Variants in FER1L6 observed in about 807,000 individuals in gnomAD.
FER1L6 encodes the protein fer-1 like family member 6, also known as fer-1-like protein 6.
Under a neutral mutation model 219.2 loss-of-function variants are expected in FER1L6, and 177 were observed. That is an observed-to-expected ratio of 0.81 (90% confidence interval 0.71 to 0.91). The LOEUF (loss-of-function observed/expected upper bound fraction) is 0.91, where lower values mean the gene tolerates loss of function less well. Among genes scored for constraint, FER1L6 ranks in the 40% least tolerant of loss-of-function variants. The pLI, the probability that FER1L6 is intolerant of heterozygous loss-of-function variation, is 0.00. For synonymous variants in FER1L6, 768 were observed against 824.3 expected (o/e 0.93, Z 1.17); for missense variants, 2,153 against 2,259.9 (o/e 0.95, Z 0.96).
intron 39 of FER1L6, among the ~76,000 whole-genome samples, chr8:124,114,989 G>T (rs117948957): frequency 6.8e-6 from 1 of 147,124 alleles, no homozygotes; most frequent in Admixed American, 6.9e-5. Flanking sequence ...ATATGAGAAT[G>T]CCTCATGTAA....
At chr8:124,030,158 C>A (rs1262413734) in intron 18 of FER1L6, among the ~76,000 whole-genome samples, 1 of 152,024 alleles carries the variant, frequency 6.6e-6, no homozygotes, top group Non-Finnish European at 1.5e-5. Flanking sequence ...TGTGAAACAT[C>A]TTTAACTTTT....
intron 1 of FER1L6, among the ~76,000 whole-genome samples, chr8:123,872,211 C>A (rs574529967): frequency 6.6e-6 from 1 of 152,128 alleles, no homozygotes; most frequent in Non-Finnish European, 1.5e-5. Flanking sequence ...GTGAGAGATC[C>A]GCCCCATAAT....
chr8:123,898,436 C>T (rs1812786214), intron 1 of FER1L6, among the ~76,000 whole-genome samples: 1 of 151,762 alleles, frequency 6.6e-6, no homozygotes. Flanking sequence ...CCCTTGCCCC[C>T]TCCTACTCTT....
chr8:123,956,579 AAG>A (rs1189824661), intron 2 of FER1L6, among the ~76,000 whole-genome samples: 1 of 152,170 alleles, frequency 6.6e-6, no homozygotes, highest in East Asian at 1.9e-4. Context: ...TACAGAGATA[AAG>A]AGAGAGTAAA....
intron 34 of FER1L6, among the ~76,000 whole-genome samples, chr8:124,092,934 C>T (rs1420944481): frequency 6.6e-6 from 1 of 151,282 alleles, no homozygotes; most frequent in African/African-American, 2.4e-5. Flanking sequence ...AGGCTCACTG[C>T]AACCTCCACC....
intron 1 of FER1L6, among the ~76,000 whole-genome samples, chr8:123,913,525 C>T (rs946752782): frequency 2.0e-5 from 3 of 152,112 alleles, no homozygotes; most frequent in African/African-American, 7.2e-5. Flanking sequence ...CAGGTCACCT[C>T]TACTGTTTAT....
chr8:123,909,100 A>G (rs978464664), intron 1 of FER1L6, among the ~76,000 whole-genome samples: 1 of 152,206 alleles, frequency 6.6e-6, no homozygotes, highest in Non-Finnish European at 1.5e-5. Flanking sequence ...AGATCTTCAT[A>G]AACATTGTCA....
chr8:123,906,820 A>AT (rs1261763253), intron 1 of FER1L6, among the ~76,000 whole-genome samples: 1 of 151,994 alleles, frequency 6.6e-6, no homozygotes, highest in Non-Finnish European at 1.5e-5. Flanking sequence ...AAAAAAAAAA[A>AT]AAAAGATTGC....
intron 1 of FER1L6, among the ~76,000 whole-genome samples, chr8:123,912,955 CG>C (rs1339573620): frequency 6.6e-6 from 1 of 152,042 alleles, no homozygotes; most frequent in Non-Finnish European, 1.5e-5. Context: ...GTCAGATCAC[CG>C]GGTGTTAGAC....
chr8:124,118,874 A>G lies in FER1L6; in HGVS notation c.5320A>G (p.Thr1774Ala). The change falls in exon 40 of 41, where the codon ACA becomes GCA. Residue 1774 changes from threonine (T) to alanine (A), a missense_variant. Physicochemically the swap from Thr to Ala is moderately conservative, Grantham distance 58. Transcript: ENST00000522917. ...GGTTGAAGCTGAGTTCCACCTAGTTACAGCAGAAGAAGCTGAGAAAAATCC... is the reference window on the plus strand; with the variant it reads ...GGTTGAAGCTGAGTTCCACCTAGTTGCAGCAGAAGAAGCTGAGAAAAATCC... ...GKVEAEFHLV[T>A]AEEAEKNPVG... The G allele has an allele frequency of 1.9e-6, 3 of 1,614,042 alleles. No homozygotes were observed. Among genetic ancestry groups the G allele is most frequent in the Non-Finnish European group, 2.5e-6 (3 of 1,179,966 alleles).
chr8:123,951,506 GA>G, intron 1 of FER1L6, among the ~76,000 whole-genome samples: 1 of 152,224 alleles, frequency 6.6e-6, no homozygotes, highest in South Asian at 2.1e-4. Context: ...TGCCGTTAAT[GA>G]ATATATCCCA....
intron 18 of FER1L6, among the ~76,000 whole-genome samples, chr8:124,033,623 C>T (rs1156319688): frequency 6.6e-6 from 1 of 152,192 alleles, no homozygotes; most frequent in Non-Finnish European, 1.5e-5. Flanking sequence ...CTTATGCTTA[C>T]TGGTTGTGAC....
At chr8:123,879,523 C>T (rs1480392155) in intron 1 of FER1L6, among the ~76,000 whole-genome samples, 1 of 152,060 alleles carries the variant, frequency 6.6e-6, no homozygotes, top group Non-Finnish European at 1.5e-5. Flanking sequence ...GACGGGGTTT[C>T]ACCATGTTAG....
chr8:124,023,068 A>C (rs1482082265), intron 17 of FER1L6, among the ~76,000 whole-genome samples: 1 of 152,160 alleles, frequency 6.6e-6, no homozygotes, highest in East Asian at 1.9e-4. Flanking sequence ...GGCAAGTGTC[A>C]CTACGCCCAG....
intron 1 of FER1L6, among the ~76,000 whole-genome samples, chr8:123,910,623 A>G (rs1269938386): frequency 2.0e-5 from 3 of 152,100 alleles, no homozygotes; most frequent in Admixed American, 6.5e-5. Context: ...CATTGCCTCT[A>G]TTCACCTGAA....
intron 1 of FER1L6, among the ~76,000 whole-genome samples, chr8:123,893,561 C>T (rs1376840025): frequency 6.6e-6 from 1 of 152,132 alleles, no homozygotes; most frequent in Non-Finnish European, 1.5e-5. Flanking sequence ...CTTAATTTCT[C>T]CAGAATTTGT....
At position 124,015,605 on chromosome 8, in the gene FER1L6, A is replaced by ATG. The variant is rs200580607; in HGVS notation, c.1923-2022_1923-2021insGT. ...TATATATATATATATATATATATAT[A>ATG]TATATATATATTACTCCTGCTGTGA... is the stretch of plus-strand genomic sequence containing the variant. On this transcript the variant is annotated intron_variant, in intron 15 of 40. Coordinates refer to ENST00000522917, the MANE Select transcript of FER1L6 (RefSeq NM_001039112.2). Among the ~76,000 whole-genome samples, 92 of 116,644 alleles carry ATG rather than the reference A, an allele frequency of 7.9e-4. 6 individuals carry two copies. Among genetic ancestry groups the ATG allele is most frequent in the African/African-American group, 3.0e-3 (84 of 28,006 alleles). 76.5% of individuals were successfully genotyped at this position (116,644 alleles called of 152,430 possible).
intron 1 of FER1L6, among the ~76,000 whole-genome samples, chr8:123,899,082 C>T (rs1812814468): frequency 6.6e-6 from 1 of 152,078 alleles, no homozygotes; most frequent in Non-Finnish European, 1.5e-5. Flanking sequence ...AATCTCCACA[C>T]TGTTTTCCAT....
chr8:124,082,744 T>C (rs1409182431), intron 33 of FER1L6, among the ~76,000 whole-genome samples: 3 of 152,198 alleles, frequency 2.0e-5, no homozygotes, highest in Non-Finnish European at 4.4e-5. Context: ...TGCCTTGAAA[T>C]AGAGTTTCCC....
Sources: gnomAD v4.1 joint callset for allele counts (sites outside exome capture counted in the v4.1 genomes callset) on GRCh38, gnomAD v4.1.1 for gene constraint, MANE v1.5 for transcripts, NCBI Gene and HGNC (gene_info 2026-07-23, HGNC 2026-07-21) for gene names.